The following FGF12 variants were observed in gnomAD, a reference collection of about 807,000 sequenced individuals.
FGF12 encodes fibroblast growth factor 12B.
FGF12 carries 14 observed loss-of-function variants against 23.6 expected under a neutral mutation model. That is an observed-to-expected ratio of 0.59 (90% CI 0.39 to 0.93). The LOEUF (loss-of-function observed/expected upper bound fraction) is 0.93, where lower values mean the gene tolerates loss of function less well. Ranked by LOEUF, FGF12 falls within the 40% of genes least tolerant of loss-of-function variation. The pLI, the probability that FGF12 is intolerant of heterozygous loss-of-function variation, is 0.00. For missense variants in FGF12, 175 were observed against 217.8 expected (o/e 0.80, Z 1.24); for synonymous variants, 62 against 77.3 (o/e 0.80, Z 1.04).
intron 2 of FGF12, among the ~76,000 whole-genome samples, chr3:192,370,798 GT>G (rs1456294247): frequency 6.6e-6 from 1 of 152,232 alleles, no homozygotes; most frequent in Non-Finnish European, 1.5e-5. Flanking sequence ...AGGACTGACT[GT>G]GCTTGGTGTG....
intron 2 of FGF12, among the ~76,000 whole-genome samples, chr3:192,593,812 TG>T (rs1371817770): frequency 7.9e-5 from 12 of 151,926 alleles, no homozygotes; most frequent in Non-Finnish European, 1.5e-4. Flanking sequence ...TGAAAGATAC[TG>T]GCTCAAACGG....
intron 4 of FGF12, among the ~76,000 whole-genome samples, chr3:192,192,021 A>ACT (rs1392195417): frequency 1.3e-5 from 2 of 152,220 alleles, no homozygotes; most frequent in Non-Finnish European, 2.9e-5. Flanking sequence ...CTTTCAACAC[A>ACT]CTAAGCATAC....
intron 2 of FGF12, among the ~76,000 whole-genome samples, chr3:192,586,011 A>G (rs997108756): frequency 1.3e-5 from 2 of 151,710 alleles, no homozygotes; most frequent in Non-Finnish European, 2.9e-5. Flanking sequence ...TGACACTGGA[A>G]AGTGGGGAAT....
intron 4 of FGF12, among the ~76,000 whole-genome samples, chr3:192,171,659 T>C (rs1715566219): frequency 6.6e-6 from 1 of 152,220 alleles, no homozygotes; most frequent in Admixed American, 6.5e-5. Context: ...TCAGCTGCAA[T>C]TAAACAGGAG....
intron 2 of FGF12, among the ~76,000 whole-genome samples, chr3:192,524,883 A>C (rs1356236297): frequency 6.6e-6 from 1 of 152,138 alleles, no homozygotes; most frequent in African/African-American, 2.4e-5. Context: ...CAATCTCACC[A>C]AAGTTCTTTT....
intron 2 of FGF12, among the ~76,000 whole-genome samples, chr3:192,465,795 CG>C (rs1029185429): frequency 1.3e-5 from 2 of 152,116 alleles, no homozygotes; most frequent in African/African-American, 4.8e-5. Context: ...CATGTTACTG[CG>C]TTTTTTTGCT....
chr3:192,342,042 T>G (rs534848252), intron 3 of FGF12, among the ~76,000 whole-genome samples: 29 of 152,164 alleles, frequency 1.9e-4, no homozygotes, highest in Non-Finnish European at 3.4e-4. Context: ...ACAGTTGTGG[T>G]CTCTAGTGAA....
intron 4 of FGF12, among the ~76,000 whole-genome samples, chr3:192,323,362 A>G (rs981536314): frequency 2.8e-4 from 42 of 152,256 alleles, no homozygotes; most frequent in African/African-American, 9.4e-4. Context: ...TATATGCCCA[A>G]TGGAATATTA....
At chr3:192,651,680 T>A (rs1716219910) in intron 2 of FGF12, among the ~76,000 whole-genome samples, 1 of 152,218 alleles carries the variant, frequency 6.6e-6, no homozygotes, top group Non-Finnish European at 1.5e-5. Context: ...TGTACATACT[T>A]TTGTTATACA....
intron 4 of FGF12, among the ~76,000 whole-genome samples, chr3:192,216,069 G>A (rs1718177442): frequency 1.3e-5 from 2 of 152,112 alleles, no homozygotes; most frequent in South Asian, 4.1e-4. Context: ...AAGGAGCTCA[G>A]ATAACACAGT....
intron 2 of FGF12, among the ~76,000 whole-genome samples, chr3:192,555,068 A>G (rs1711705293): frequency 6.6e-6 from 1 of 152,164 alleles, no homozygotes; most frequent in Non-Finnish European, 1.5e-5. Flanking sequence ...TATATGCAAT[A>G]TGAGGGTCTC....
chr3:192,333,002 C>A lies in FGF12; in HGVS notation c.228+2359G>T, dbSNP rs116314783. Among the ~76,000 whole-genome samples, 430 of 152,168 alleles carry A rather than the reference C, an allele frequency of 2.8e-3. 5 individuals carry two copies. Among genetic ancestry groups the A allele is most frequent in the African/African-American group, 9.9e-3 (412 of 41,526 alleles). ...GAGAGAAGAACTGAAAATACAGATACCCCAATAGGTTTACAAAGGTAAACT... is the reference window on the plus strand; with the variant it reads ...GAGAGAAGAACTGAAAATACAGATAACCCAATAGGTTTACAAAGGTAAACT... On this transcript the variant is annotated intron_variant, in intron 4 of 5. Coordinates refer to ENST00000445105, the MANE Select transcript of FGF12 (RefSeq NM_004113.6).
At position 192,369,827 on chromosome 3, in the gene FGF12, G is replaced by A. The variant is rs551593551; in HGVS notation, c.14-9289C>T. ...ACATACACAACTAATCATTATTTCC[G>A]TGAACATTTAAAGTGCTGTCATAAA... On this transcript the variant is annotated intron_variant, in intron 2 of 5. Coordinates refer to ENST00000445105, the MANE Select transcript of FGF12 (RefSeq NM_004113.6). Among the ~76,000 whole-genome samples, 190 of 152,284 alleles carry A rather than the reference G, an allele frequency of 1.2e-3. No individual in the cohort carries two copies. In the Middle Eastern group the frequency reaches 0.017, roughly 14 times the overall value.
At chr3:192,561,560 C>T (rs1362422452) in intron 2 of FGF12, among the ~76,000 whole-genome samples, 3 of 152,106 alleles carry the variant, frequency 2.0e-5, no homozygotes, top group African/African-American at 7.2e-5. Flanking sequence ...GATGGGGTTT[C>T]ACCGTGTTAG....
intron 4 of FGF12, among the ~76,000 whole-genome samples, chr3:192,249,121 C>T (rs1170581067): frequency 1.3e-5 from 2 of 152,102 alleles, no homozygotes; most frequent in Non-Finnish European, 1.5e-5. Context: ...GCCCACTGTA[C>T]TATTATAATA....
intron 2 of FGF12, among the ~76,000 whole-genome samples, chr3:192,487,074 G>A (rs775538521): frequency 3.0e-4 from 45 of 152,044 alleles, no homozygotes; most frequent in Non-Finnish European, 2.4e-4. Context: ...CCAACTGGCT[G>A]GAGCTGAGTA....
At chr3:192,400,144 A>C (rs1720696121) in intron 2 of FGF12, among the ~76,000 whole-genome samples, 2 of 152,164 alleles carry the variant, frequency 1.3e-5, no homozygotes, top group African/African-American at 4.8e-5. Flanking sequence ...GGTTACAAGC[A>C]TGGAGTCTGG....
rs184031876 is a variant in FGF12, at chr3:192,400,551, T to C, written c.14-40013A>G. ...ACTGAGCTAATTTTTGTATTTTTAA[T>C]AGAGATGGGGTTTCACCATGTTGGC... On this transcript the variant is annotated intron_variant, in intron 2 of 5. Transcript: ENST00000445105. Among the ~76,000 whole-genome samples the C allele has an allele frequency of 3.5e-3, 535 of 152,172 alleles. 2 individuals carry two copies. Among genetic ancestry groups the C allele is most frequent in the Non-Finnish European group, 5.8e-3 (391 of 67,998 alleles).
intron 2 of FGF12, among the ~76,000 whole-genome samples, chr3:192,539,666 G>A (rs1725316997): frequency 6.6e-6 from 1 of 152,050 alleles, no homozygotes; most frequent in Non-Finnish European, 1.5e-5. Flanking sequence ...GGCCTCATAT[G>A]ATAAGTTTGG....
Sources: gnomAD v4.1 joint callset for allele counts (sites outside exome capture counted in the v4.1 genomes callset) on GRCh38, gnomAD v4.1.1 for gene constraint, MANE v1.5 for transcripts, NCBI Gene and HGNC (gene_info 2026-07-23, HGNC 2026-07-21) for gene names.